MS4A2: variants seen among roughly 807,000 people sequenced by gnomAD.
The protein encoded by MS4A2 is high affinity immunoglobulin epsilon receptor subunit beta.
MS4A2 carries 26 observed loss-of-function variants against 27.9 expected under a neutral mutation model. That is an observed-to-expected ratio of 0.93 (90% confidence interval 0.68 to 1.29). The LOEUF (loss-of-function observed/expected upper bound fraction) is 1.29. Among genes scored for constraint, MS4A2 ranks in the 50% most tolerant of loss-of-function variants. MS4A2 has a pLI of 0.00. For synonymous variants in MS4A2, 110 were observed against 98.8 expected (o/e 1.11, Z -0.67); for missense variants, 284 against 284.6 (o/e 1.00, Z 0.01).
At chr11:60,089,348 G>A (rs17860449) in intron 1 of MS4A2, among the ~76,000 whole-genome samples, 126 of 152,050 alleles carry the variant, frequency 8.3e-4, no homozygotes, top group Non-Finnish European at 8.2e-4. Context: ...ACATTTCTAT[G>A]TTAAAAGGAT....
chr11:60,090,549 AT>A, intron 3 of MS4A2, 79 bp downstream of exon 3: 4 of 1,314,990 alleles, frequency 3.0e-6, no homozygotes, highest in Non-Finnish European at 4.3e-6. Context: ...CCAGTTGTTT[AT>A]TCCCAGTATT....
Position 60,090,583 on chromosome 11 carries a change from A to G in MS4A2, c.321+113A>G, listed in dbSNP as rs564577493. ...ATTAACATGATATTTATAATTCTTA[A>G]TTATAAATTATATGTGAGCATATAT... On this transcript the variant is annotated intron_variant, in intron 3 of 6. Coordinates refer to ENST00000278888, the MANE Select transcript of MS4A2 (RefSeq NM_000139.5). 36 of 933,216 alleles carry G rather than the reference A, an allele frequency of 3.9e-5. 1 individual carries two copies. In the South Asian group the frequency reaches 4.4e-4, roughly 11 times the overall value. 57.8% of individuals were successfully genotyped at this position (933,216 alleles called of 1,614,324 possible).
intron 6 of MS4A2, 44 bp from the exon 7 acceptor site, chr11:60,095,514 G>A: frequency 3.1e-6 from 4 of 1,283,256 alleles, no homozygotes; most frequent in Non-Finnish European, 4.6e-6. Flanking sequence ...TCTAGGGATG[G>A]GAAATTTGTG....
intron 3 of MS4A2, 41 bp from the exon 4 acceptor site, chr11:60,092,751 A>C (rs1338199411): frequency 1.3e-6 from 2 of 1,582,740 alleles, no homozygotes; most frequent in South Asian, 2.2e-5. Flanking sequence ...CATTGAAAAC[A>C]AGAAACTCAT....
At chr11:60,088,964 A>G in intron 1 of MS4A2, 143 bp downstream of exon 1, 1 of 844,728 alleles carries the variant, frequency 1.2e-6, no homozygotes, top group Non-Finnish European at 1.9e-6. Flanking sequence ...TGAGGAAGCT[A>G]CTTGCTGTAC....
chr11:60,092,374 C>T (rs1332612965), intron 3 of MS4A2, among the ~76,000 whole-genome samples: 1 of 151,316 alleles, frequency 6.6e-6, no homozygotes, highest in Non-Finnish European at 1.5e-5. Flanking sequence ...TGGCTCACTG[C>T]AACCTCTGCC....
chr11:60,088,479 C>A, upstream of MS4A2: 2 of 523,248 alleles, frequency 3.8e-6, no homozygotes, highest in Non-Finnish European at 5.7e-6. Context: ...GTAAATCCTG[C>A]TAGTCTCAGG....
intron 5 of MS4A2, 85 bp downstream of exon 5, chr11:60,093,643 C>T (rs762471326): frequency 2.0e-6 from 3 of 1,527,040 alleles, no homozygotes; most frequent in Non-Finnish European, 2.7e-6. Context: ...CCATGAACAC[C>T]ATCCTTTTCT....
intron 5 of MS4A2, 72 bp downstream of exon 5, chr11:60,093,630 G>A: frequency 6.4e-7 from 1 of 1,567,422 alleles, no homozygotes; most frequent in Non-Finnish European, 8.8e-7. Flanking sequence ...CTCTTCTCCT[G>A]TTCCATGAAC....
In MS4A2 at chr11:60,098,380, G is replaced by T. The variant is rs1202183500; in HGVS notation, c.*2724G>T. The T allele has an allele frequency of 6.6e-6, 1 of 152,126 alleles. No individual in the cohort carries two copies. The highest frequency in any genetic ancestry group is 1.9e-4 in the East Asian group (1 of 5,196). The allele number at this position is 152,126 out of a possible 1,614,324, so 9.4% of individuals were successfully genotyped here. A position where few individuals can be genotyped will look rare whatever the true frequency, so the allele number is the denominator to read the frequency against. Reference sequence around the variant, plus strand: ...CTACTCTATCCCACGATGCAGTATTGTATCATTAATTATTAGTGTGCTTGT... The same window carrying T: ...CTACTCTATCCCACGATGCAGTATTTTATCATTAATTATTAGTGTGCTTGT... On this transcript the variant is annotated 3_prime_UTR_variant, in exon 7 of 7. Coordinates refer to ENST00000278888, the MANE Select transcript of MS4A2 (RefSeq NM_000139.5).
At chr11:60,095,494 G>T in intron 6 of MS4A2, 64 bp from the exon 7 acceptor site, 1 of 1,001,860 alleles carries the variant, frequency 1.0e-6, no homozygotes, top group South Asian at 1.3e-5. Context: ...TAAGTCTCTT[G>T]AGCGAGACTT....
At chr11:60,093,927 T>G in intron 5 of MS4A2, 37 bp from the exon 6 acceptor site, 1 of 1,515,496 alleles carries the variant, frequency 6.6e-7, no homozygotes, top group Non-Finnish European at 9.2e-7. Flanking sequence ...GAATACCATG[T>G]GACTCTTTTT....
At chr11:60,088,918 G>A in intron 1 of MS4A2, 97 bp downstream of exon 1, 1 of 1,212,110 alleles carries the variant, frequency 8.3e-7, no homozygotes, top group Non-Finnish European at 1.2e-6. Flanking sequence ...ATTGATTTAG[G>A]CATGGATCCA....
In MS4A2 at chr11:60,095,737, T is replaced by G; in HGVS notation, c.*81T>G. On this transcript the variant is annotated 3_prime_UTR_variant, in exon 7 of 7. Transcript: ENST00000278888. ...CTTGTTAAGGGGCTACTGGAAAAAT[T>G]TCTATTCTCTCCACAGCCTGCTGGT... The G allele has an allele frequency of 1.2e-6, 1 of 869,488 alleles. No homozygotes were observed. The highest frequency in any genetic ancestry group is 2.0e-6 in the Non-Finnish European group (1 of 508,582). 53.9% of individuals were successfully genotyped at this position (869,488 alleles called of 1,614,324 possible).
At chr11:60,094,621 C>G (rs1855833444) in intron 6 of MS4A2, among the ~76,000 whole-genome samples, 1 of 152,200 alleles carries the variant, frequency 6.6e-6, no homozygotes, top group Non-Finnish European at 1.5e-5. Context: ...TGTCCACTTT[C>G]CTGAGGCATT....
Position 60,089,772 on chromosome 11 carries a change from C to A in MS4A2, c.137C>A (p.Pro46Gln), listed in dbSNP as rs550582708. Residue 46 changes from proline (P) to glutamine (Q), a missense_variant, in exon 2 of 7, where the codon CCA (proline) becomes CAA (glutamine). Transcript: ENST00000278888. Reference sequence around the variant, plus strand: ...CTATTGAAGTCGGCCTCATCCCCACCACTGCATACATGGCTGACAGTTTTG... The same window carrying A: ...CTATTGAAGTCGGCCTCATCCCCACAACTGCATACATGGCTGACAGTTTTG... ...GRLLKSASSPPLHTWLTVLKK... is the reference protein window; with the variant it reads ...GRLLKSASSPQLHTWLTVLKK... The A allele has an allele frequency of 6.2e-6, 10 of 1,614,020 alleles. No homozygotes were observed. The highest frequency in any genetic ancestry group is 7.6e-6 in the Non-Finnish European group (9 of 1,180,016).
upstream of MS4A2, chr11:60,088,652 A>G (rs1855692619): frequency 1.3e-6 from 2 of 1,539,884 alleles, no homozygotes; most frequent in African/African-American, 1.4e-5. Flanking sequence ...AGAATCATCA[A>G]TGTCATGAGG....
intron 4 of MS4A2, among the ~76,000 whole-genome samples, 162 bp from the exon 5 acceptor site, chr11:60,093,238 T>A (rs192588309): frequency 6.6e-6 from 1 of 152,238 alleles, no homozygotes; most frequent in Non-Finnish European, 1.5e-5. Flanking sequence ...AAGTAATATA[T>A]GCTCATTAAA....
Position 60,094,080 on chromosome 11 carries a change from A to T in MS4A2, c.636+18A>T. 1 of 1,553,102 alleles carries T rather than the reference A, an allele frequency of 6.4e-7. No homozygotes were observed. Among genetic ancestry groups the T allele is most frequent in the Non-Finnish European group, 8.9e-7 (1 of 1,124,506 alleles). On this transcript the variant is annotated intron_variant, in intron 6 of 6. Transcript: ENST00000278888. ...GAAACAAGGTAGATAGAAGCCCGAT[A>T]TAAAATCTTGAATGACAGGTTAACG... is the stretch of plus-strand genomic sequence containing the variant.
Sources: gnomAD v4.1 joint callset for allele counts (sites outside exome capture counted in the v4.1 genomes callset) on GRCh38, gnomAD v4.1.1 for gene constraint, MANE v1.5 for transcripts, NCBI Gene and HGNC (gene_info 2026-07-23, HGNC 2026-07-21) for gene names.